Variants in OSBP2 observed in about 807,000 individuals in gnomAD.
OSBP2 encodes the protein oxysterol binding protein 2, also known as oxysterol-binding protein 2.
OSBP2 carries 66 observed loss-of-function variants against 96.0 expected under a neutral mutation model. The observed-to-expected ratio is 0.69, with a 90% CI of 0.56 to 0.84. OSBP2 has a LOEUF of 0.84. OSBP2 is among the 40% of genes least tolerant of loss of function. OSBP2 has a pLI of 0.00. For missense variants in OSBP2, 1,038 were observed against 1,222.7 expected, an observed-to-expected ratio of 0.85 and a Z score of 2.25; for synonymous variants, 525 against 520.9, an observed-to-expected ratio of 1.01 and a Z score of -0.11.
chr22:30,788,636 A>G (rs1258926777), intron 2 of OSBP2, among the ~76,000 whole-genome samples: 1 of 152,218 alleles, frequency 6.6e-6, no homozygotes, highest in Non-Finnish European at 1.5e-5. Context: ...TGAGTCTCTA[A>G]TGCCAAGGAC....
chr22:30,741,338 C>CAAGGCT lies in OSBP2; in HGVS notation c.823_828dup (p.Lys275_Ala276dup), dbSNP rs1245621249. The CAAGGCT allele has an allele frequency of 6.2e-7, 1 of 1,612,198 alleles. No individual in the cohort carries two copies. Among genetic ancestry groups the CAAGGCT allele is most frequent in the Admixed American group, 1.7e-5 (1 of 60,006 alleles). On this transcript the variant is annotated inframe_insertion, in exon 2 of 14. Transcript: ENST00000332585. ...TCACCGCCCTGGAGCTGGCCAAGGC[C>CAAGGCT]AAGGCTGTCCGCGTGATGAACACTC...
chr22:30,701,784 G>A (rs2089167784), intron 1 of OSBP2, among the ~76,000 whole-genome samples: 1 of 152,174 alleles, frequency 6.6e-6, no homozygotes, highest in African/African-American at 2.4e-5. Flanking sequence ...CCCGAAGGTA[G>A]CTTTATTGGA....
At chr22:30,774,121 G>A (rs1013092228) in intron 2 of OSBP2, among the ~76,000 whole-genome samples, 2 of 152,188 alleles carry the variant, frequency 1.3e-5, no homozygotes, top group African/African-American at 4.8e-5. Context: ...ATAAGAGAGA[G>A]GAGGCAAGGC....
Position 30,906,017 on chromosome 22 carries a change from G to T in OSBP2, c.2556G>T (p.Arg852=). ...QRLEEKQRLS[R]RRRLEACGPG... is the part of the protein sequence containing the mutation. ...TGGAGGAGAAGCAGCGCCTGTCGCG[G>T]CGCCGGCGGCTGGAGGCCTGCGGGC... Residue 852 remains arginine, a synonymous_variant, in exon 13 of 14, where the codon CGG becomes CGT. Transcript: ENST00000332585. 7 of 1,576,314 alleles carry T rather than the reference G, an allele frequency of 4.4e-6. No homozygotes were observed. In the Middle Eastern group the frequency reaches 1.0e-3, roughly 234 times the overall value.
intron 2 of OSBP2, among the ~76,000 whole-genome samples, chr22:30,776,962 C>T (rs551968657): frequency 1.4e-4 from 21 of 152,260 alleles, no homozygotes; most frequent in Admixed American, 2.6e-4. Flanking sequence ...TTGTATAGGG[C>T]CTGTGGCCTC....
chr22:30,700,883 C>T (rs985116721), intron 1 of OSBP2, among the ~76,000 whole-genome samples: 2 of 151,216 alleles, frequency 1.3e-5, no homozygotes, highest in East Asian at 1.9e-4. Flanking sequence ...GTCAGGAGTT[C>T]GAGACCAGCT....
At chr22:30,891,456 C>T (rs1172132458) in intron 8 of OSBP2, among the ~76,000 whole-genome samples, 1 of 152,204 alleles carries the variant, frequency 6.6e-6, no homozygotes, top group Non-Finnish European at 1.5e-5. Flanking sequence ...GCAGTGGCAG[C>T]CCCATGCTGA....
At chr22:30,885,602 C>T (rs929446702) in intron 3 of OSBP2, among the ~76,000 whole-genome samples, 1 of 152,210 alleles carries the variant, frequency 6.6e-6, no homozygotes, top group African/African-American at 2.4e-5. Context: ...CAGACAAGAC[C>T]AATTACCTCT....
intron 2 of OSBP2, among the ~76,000 whole-genome samples, chr22:30,848,122 A>G (rs921788014): frequency 2.6e-5 from 4 of 152,184 alleles, no homozygotes; most frequent in African/African-American, 9.7e-5. Flanking sequence ...ACAGCTATAT[A>G]ATATTCTGTT....
upstream of OSBP2, chr22:30,693,948 G>C: frequency 1.1e-6 from 1 of 913,488 alleles, no homozygotes; most frequent in Admixed American, 2.6e-5. Flanking sequence ...CTGGGCTACC[G>C]AGTGAGACTC....
intron 1 of OSBP2, among the ~76,000 whole-genome samples, chr22:30,704,918 TGTGTGAACTCTTTTCTGCACAG>T (rs1261901749): frequency 6.6e-6 from 1 of 152,208 alleles, no homozygotes; most frequent in East Asian, 1.9e-4. Context: ...TCAGGCCTGC[TGTGTGAACTCTTTTCTGCACAG>T]GTGTGAACTC....
intron 2 of OSBP2, among the ~76,000 whole-genome samples, chr22:30,800,158 A>T (rs1479310935): frequency 1.3e-5 from 2 of 152,146 alleles, no homozygotes; most frequent in Non-Finnish European, 2.9e-5. Context: ...CTCATTCAAG[A>T]GCTATTAAGC....
At chr22:30,778,361 G>A (rs559274790) in intron 2 of OSBP2, among the ~76,000 whole-genome samples, 1 of 150,884 alleles carries the variant, frequency 6.6e-6, no homozygotes, top group Non-Finnish European at 1.5e-5. Flanking sequence ...GGCCACCACC[G>A]TGTTCTCCTT....
At chr22:30,862,129 T>C (rs182409417) in intron 2 of OSBP2, among the ~76,000 whole-genome samples, 3 of 152,216 alleles carry the variant, frequency 2.0e-5, no homozygotes, top group African/African-American at 7.2e-5. Flanking sequence ...GCCGAAGACC[T>C]CGCAGACTCT....
intron 2 of OSBP2, among the ~76,000 whole-genome samples, chr22:30,849,342 T>C (rs1284895759): frequency 6.6e-6 from 1 of 152,200 alleles, no homozygotes; most frequent in African/African-American, 2.4e-5. Context: ...CCAAAGTGAT[T>C]ATACCATTTT....
At chr22:30,901,101 C>T (rs759213227) in intron 12 of OSBP2, among the ~76,000 whole-genome samples, 2 of 152,182 alleles carry the variant, frequency 1.3e-5, no homozygotes, top group Non-Finnish European at 2.9e-5. Flanking sequence ...TGGAGTCTCA[C>T]TCTGTCGCCC....
chr22:30,737,709 G>C (rs948624712), intron 1 of OSBP2, among the ~76,000 whole-genome samples: 6 of 151,434 alleles, frequency 4.0e-5, no homozygotes, highest in Admixed American at 1.3e-4. Context: ...TTTAGGATGA[G>C]ACTCTAAATC....
In OSBP2 at chr22:30,867,611, C is replaced by T. The variant is rs1008626168; in HGVS notation, c.854-2818C>T. On this transcript the variant is annotated intron_variant, in intron 2 of 13. Transcript: ENST00000332585. ...GTAATCATTGGCCCAAGTGCCTTCT[C>T]ATCCTGCCCCAACAACACGGCCAGT... is the stretch of plus-strand genomic sequence containing the variant. Among the ~76,000 whole-genome samples the T allele has an allele frequency of 2.0e-5, 3 of 152,250 alleles. No individual in the cohort carries two copies. The East Asian group carries it at 5.8e-4, about 29-fold the overall frequency.
In OSBP2 at chr22:30,863,636, G is replaced by A. The variant is rs530998184; in HGVS notation, c.854-6793G>A. On this transcript the variant is annotated intron_variant, in intron 2 of 13. Coordinates refer to ENST00000332585, the MANE Select transcript of OSBP2 (RefSeq NM_030758.4). The stretch of plus-strand genomic sequence containing the variant: ...ATGGGCTGGAAAGTTGCCAGGGCTC[G>A]GGGACTAGGCCTTGCCCATTCCCAG... Among the ~76,000 whole-genome samples the A allele has an allele frequency of 4.6e-5, 7 of 152,268 alleles. No individual in the cohort carries two copies. The East Asian group carries it at 1.2e-3, about 25-fold the overall frequency.
Sources: gnomAD v4.1 joint callset for allele counts (sites outside exome capture counted in the v4.1 genomes callset) on GRCh38, gnomAD v4.1.1 for gene constraint, MANE v1.5 for transcripts, NCBI Gene and HGNC (gene_info 2026-07-23, HGNC 2026-07-21) for gene names.